Variants in ZCCHC4 observed in about 807,000 individuals in gnomAD.
The protein encoded by ZCCHC4 is zinc finger CCHC-type containing 4.
A neutral mutation model predicts 67.7 loss-of-function variants in ZCCHC4; 54 were observed. The observed-to-expected ratio is 0.80, with a 90% CI of 0.64 to 1.00. The LOEUF (loss-of-function observed/expected upper bound fraction) is 1.00, where lower values mean the gene tolerates loss of function less well. Among genes scored for constraint, ZCCHC4 ranks in the 50% least tolerant of loss-of-function variants. The pLI is 0.00. For synonymous variants in ZCCHC4, 198 were observed against 213.5 expected (o/e 0.93, Z 0.63); for missense variants, 609 against 617.0 (o/e 0.99, Z 0.14).
chr4:25,364,503 C>A lies in ZCCHC4; in HGVS notation c.1259C>A (p.Pro420His). 6.4e-7 allele frequency: 1 copy of A among 1,559,434 alleles called. No homozygotes were observed. ...TTTCTCTGTAAAAAGTGTGTAAAGC[C>A]TTGTAAGTATTGAGACTTAGTGTTT... ...HCFLCKKCVKPSWIHCSICNH... is the reference protein window; with the variant it reads ...HCFLCKKCVKHSWIHCSICNH... Residue 420 changes from proline to histidine, a missense_variant and splice_region_variant, in exon 11 of 13, where the codon CCT becomes CAT. By Grantham distance (77) the Pro-to-His change is moderately conservative (BLOSUM62 -2). Coordinates refer to ENST00000302874, the MANE Select transcript of ZCCHC4 (RefSeq NM_024936.3).
intron 7 of ZCCHC4, 128 bp downstream of exon 7, chr4:25,349,770 G>A: frequency 1.0e-6 from 1 of 973,620 alleles, no homozygotes; most frequent in South Asian, 1.8e-5. Flanking sequence ...TTAAAAACAG[G>A]CTTATTTGAT....
At chr4:25,324,899 G>C (rs992862965) in intron 3 of ZCCHC4, among the ~76,000 whole-genome samples, 6 of 152,068 alleles carry the variant, frequency 3.9e-5, no homozygotes, top group Non-Finnish European at 8.8e-5. Context: ...TTTTATTGTT[G>C]AGTTATTCCT....
chr4:25,340,749 TATTATA>T (rs1719715876), intron 5 of ZCCHC4, among the ~76,000 whole-genome samples: 1 of 152,236 alleles, frequency 6.6e-6, no homozygotes, highest in African/African-American at 2.4e-5. Context: ...TTTTTGGTGC[TATTATA>T]ATTTAAATGG....
In ZCCHC4 at chr4:25,345,548, G is replaced by T. The variant is rs1277737194; in HGVS notation, c.687G>T (p.Arg229=). ...IKSLLLDIDF[R]YSQFYMEDSF... is the part of the protein sequence containing the mutation. The stretch of plus-strand genomic sequence containing the variant: ...AAATAACTCTGTAATTATTTTACAG[G>T]TATTCACAGTTTTATATGGAAGATA... Residue 229 remains arginine, a splice_region_variant and synonymous_variant, in exon 6 of 13, where the codon CGG becomes CGT. Coordinates refer to ENST00000302874, the MANE Select transcript of ZCCHC4 (RefSeq NM_024936.3). 3 of 1,466,162 alleles carry T rather than the reference G, an allele frequency of 2.0e-6. No individual in the cohort carries two copies. The highest frequency in any genetic ancestry group is 2.9e-6 in the Non-Finnish European group (3 of 1,050,770). The allele number at this position is 1,466,162 out of a possible 1,614,324, so 90.8% of individuals were successfully genotyped here.
chr4:25,355,088 C>T (rs1333888825), intron 8 of ZCCHC4, among the ~76,000 whole-genome samples: 4 of 152,050 alleles, frequency 2.6e-5, no homozygotes, highest in Non-Finnish European at 4.4e-5. Context: ...TGATCAAGCA[C>T]TTGATGAATA....
rs531180947 is a variant in ZCCHC4, at chr4:25,351,751, T to C, written c.1011+62T>C. 8.1e-6 allele frequency: 11 copies of C among 1,362,390 alleles called. No homozygotes were observed. In the South Asian group the frequency reaches 1.2e-4, roughly 14 times the overall value. 84.4% of individuals were successfully genotyped at this position (1,362,390 alleles called of 1,614,324 possible). A position where few individuals can be genotyped will look rare whatever the true frequency, so the allele number is the denominator to read the frequency against. On this transcript the variant is annotated intron_variant, in intron 8 of 12. Coordinates refer to ENST00000302874, the MANE Select transcript of ZCCHC4 (RefSeq NM_024936.3). The stretch of plus-strand genomic sequence containing the variant: ...AATGGAGATTCTACTTGAATAGATA[T>C]AAGACTATTCATTGATTTTAGTAAA...
chr4:25,368,508 C>T (rs1321987341), intron 12 of ZCCHC4, among the ~76,000 whole-genome samples: 1 of 152,182 alleles, frequency 6.6e-6, no homozygotes, highest in Non-Finnish European at 1.5e-5. Flanking sequence ...CCCTGCGTGG[C>T]ACTTGTCAGG....
At chr4:25,337,710 G>A (rs1719527744) in intron 5 of ZCCHC4, among the ~76,000 whole-genome samples, 1 of 152,150 alleles carries the variant, frequency 6.6e-6, no homozygotes, top group Non-Finnish European at 1.5e-5. Context: ...AATGTATACA[G>A]TTGCCAGCAG....
In ZCCHC4 at chr4:25,333,960, A is replaced by T; in HGVS notation, c.658A>T (p.Lys220Ter). Residue 220 changes from lysine to a stop codon, truncating the protein, a stop_gained, in exon 5 of 13, where the codon AAA (lysine) becomes TAA (stop). Transcript: ENST00000302874. LOFTEE classifies it high-confidence loss of function. ...ATCAGGTGACAAGAAGTCTAACATT[A>T]AAAGCCTTTTATTGGATATTGATTT... Reference protein sequence around the residue: ...TASGDKKSNIKSLLLDIDFRY... With the variant: ...TASGDKKSNI The T allele has an allele frequency of 4.4e-6, 7 of 1,605,656 alleles. No individual in the cohort carries two copies. The highest frequency in any genetic ancestry group is 5.9e-6 in the Non-Finnish European group (7 of 1,178,064).
intron 3 of ZCCHC4, among the ~76,000 whole-genome samples, chr4:25,320,733 T>C (rs1015559920): frequency 6.6e-6 from 1 of 152,230 alleles, no homozygotes; most frequent in African/African-American, 2.4e-5. Flanking sequence ...ATGCACAAGA[T>C]CTCAGTTTAT....
rs61743519 is a variant in ZCCHC4 at position 25,312,906 on chromosome 4, C to T, written c.97C>T (p.Pro33Ser). 1.6e-4 allele frequency: 251 copies of T among 1,612,766 alleles called. 1 individual carries two copies. The African/African-American group carries it at 3.0e-3, about 19-fold the overall frequency. ...SGMEVVLPLD[P>S]AVPAPLCPHG... is the part of the protein sequence containing the mutation. ...AATGGAGGTGGTGCTTCCTTTGGAT[C>T]CTGCCGTCCCCGCCCCGCTGTGCCC... The change falls in exon 1 of 13, where the codon CCT (proline) becomes TCT (serine). Residue 33 changes from proline (P) to serine (S), a missense_variant. Physicochemically the swap from Pro to Ser is moderately conservative, Grantham distance 74. Coordinates refer to ENST00000302874, the MANE Select transcript of ZCCHC4 (RefSeq NM_024936.3).
intron 3 of ZCCHC4, among the ~76,000 whole-genome samples, chr4:25,324,015 T>G (rs73254144): frequency 1.3e-4 from 5 of 37,630 alleles, no homozygotes; most frequent in Admixed American, 2.9e-4. Flanking sequence ...GTTTTTTGTG[T>G]TTTTTTTTTT....
chr4:25,313,991 G>A, intron 1 of ZCCHC4, 55 bp from the exon 2 acceptor site: 3 of 1,137,806 alleles, frequency 2.6e-6, no homozygotes, highest in Non-Finnish European at 2.5e-6. Context: ...CTAAGAACTT[G>A]ACGTAGATGA....
intron 10 of ZCCHC4, among the ~76,000 whole-genome samples, chr4:25,363,394 A>G (rs1720828956): frequency 1.3e-5 from 2 of 152,192 alleles, no homozygotes; most frequent in African/African-American, 2.4e-5. Context: ...ATGTACCACA[A>G]CTTGTTTACT....
chr4:25,345,446 A>C, intron 5 of ZCCHC4, 102 bp from the exon 6 acceptor site: 1 of 749,876 alleles, frequency 1.3e-6, no homozygotes, highest in Non-Finnish European at 2.2e-6. Context: ...AAACTAAAAA[A>C]TGAAATTTTT....
Position 25,364,436 on chromosome 4 carries a change from T to TG in ZCCHC4, c.1210-17dup. On this transcript the variant is annotated splice_polypyrimidine_tract_variant and intron_variant, in intron 10 of 12. Transcript: ENST00000302874. ...AACAAATTAATTATAATTTAAAAAT[T>TG]GTTTTTTTTTTTGGTAGGATGGCAG... The TG allele has an allele frequency of 2.0e-6, 3 of 1,481,450 alleles. No individual in the cohort carries two copies. Among genetic ancestry groups the TG allele is most frequent in the Non-Finnish European group, 2.7e-6 (3 of 1,109,554 alleles). The allele number at this position is 1,481,450 out of a possible 1,614,324, so 91.8% of individuals were successfully genotyped here.
intron 11 of ZCCHC4, among the ~76,000 whole-genome samples, 181 bp from the exon 12 acceptor site, chr4:25,364,841 A>G (rs1444990346): frequency 6.6e-6 from 1 of 152,220 alleles, no homozygotes; most frequent in East Asian, 1.9e-4. Flanking sequence ...GAAAGAAGTT[A>G]GCTAGTTTAT....
Position 25,369,192 on chromosome 4 carries a change from A to G in ZCCHC4, c.*28A>G. 6.2e-7 allele frequency: 1 copy of G among 1,604,742 alleles called. No homozygotes were observed. The highest frequency in any genetic ancestry group is 2.2e-5 in the East Asian group (1 of 44,816). ...GTCCAGTGACTGGAGAATAAGAAAGATTTATGGTCCAACCTTTGATGCCAT... is the reference window on the plus strand; with the variant it reads ...GTCCAGTGACTGGAGAATAAGAAAGGTTTATGGTCCAACCTTTGATGCCAT... On this transcript the variant is annotated 3_prime_UTR_variant, in exon 13 of 13. Coordinates refer to ENST00000302874, the MANE Select transcript of ZCCHC4 (RefSeq NM_024936.3).
intron 8 of ZCCHC4, among the ~76,000 whole-genome samples, chr4:25,358,975 CTGTT>C (rs527404614): frequency 1.4e-4 from 21 of 152,328 alleles, no homozygotes; most frequent in African/African-American, 4.3e-4. Flanking sequence ...CCTTGGTCCT[CTGTT>C]TGGGCTGAAA....
Sources: gnomAD v4.1 joint callset for allele counts (sites outside exome capture counted in the v4.1 genomes callset) on GRCh38, gnomAD v4.1.1 for gene constraint, MANE v1.5 for transcripts, NCBI Gene and HGNC (gene_info 2026-07-23, HGNC 2026-07-21) for gene names.